THADA: variants seen among roughly 807,000 people sequenced by gnomAD.
THADA encodes tRNA (32-2'-O)-methyltransferase regulator THADA.
THADA carries 213 observed loss-of-function variants against 219.8 expected under a neutral mutation model. That is an observed-to-expected ratio of 0.97 (90% CI 0.87 to 1.09). The LOEUF is 1.09. Among genes scored for constraint, THADA ranks in the 50% least tolerant of loss-of-function variants. The probability of loss-of-function intolerance (pLI) is 0.00; values close to 1 mark genes in which losing one functional copy is unlikely to be tolerated. For synonymous variants in THADA, 1,018 were observed against 828.9 expected, an observed-to-expected ratio of 1.23 and a Z score of -3.92; for missense variants, 2,956 against 2,311.3, an observed-to-expected ratio of 1.28 and a Z score of -5.72.
chr2:43,447,118 A>C (rs1296424001), intron 26 of THADA, among the ~76,000 whole-genome samples: 1 of 152,200 alleles, frequency 6.6e-6, no homozygotes, highest in African/African-American at 2.4e-5. Flanking sequence ...ACACCTCTTC[A>C]CAGGGCAGCA....
At chr2:43,262,634 C>T (rs920432047) in intron 36 of THADA, among the ~76,000 whole-genome samples, 2 of 152,172 alleles carry the variant, frequency 1.3e-5, no homozygotes, top group African/African-American at 2.4e-5. Flanking sequence ...AATCTAAGTT[C>T]GTGTTTTTTT....
intron 35 of THADA, among the ~76,000 whole-genome samples, chr2:43,282,460 A>T (rs1425024062): frequency 1.3e-5 from 2 of 152,236 alleles, no homozygotes; most frequent in Non-Finnish European, 2.9e-5. Flanking sequence ...TCTAAAAAAC[A>T]ATTCCTTCCT....
intron 12 of THADA, among the ~76,000 whole-genome samples, chr2:43,572,548 G>T (rs1699412316): frequency 6.6e-6 from 1 of 152,122 alleles, no homozygotes; most frequent in Non-Finnish European, 1.5e-5. Context: ...TGTATTTAAG[G>T]GCACATGATG....
intron 21 of THADA, among the ~76,000 whole-genome samples, chr2:43,535,168 CTTTTTTTTTT>C (rs549879408): frequency 1.9e-5 from 1 of 52,510 alleles, no homozygotes; most frequent in African/African-American, 8.9e-5. Flanking sequence ...ATCATTTGTC[CTTTTTTTTTT>C]TTTTTTTTTT....
intron 21 of THADA, among the ~76,000 whole-genome samples, chr2:43,536,127 T>C (rs1330460923): frequency 6.6e-6 from 1 of 152,148 alleles, no homozygotes; most frequent in Non-Finnish European, 1.5e-5. Flanking sequence ...GATTTTTGTA[T>C]AGAGTGAGAG....
At chr2:43,595,625 ACTC>A (rs1234631050) in intron 1 of THADA, 1 of 152,090 alleles carries the variant, frequency 6.6e-6, no homozygotes. Flanking sequence ...AGTAAATTAC[ACTC>A]CTCCTAGGTC....
chr2:43,346,480 T>C (rs894868859), intron 29 of THADA, among the ~76,000 whole-genome samples: 1 of 152,118 alleles, frequency 6.6e-6, no homozygotes, highest in African/African-American at 2.4e-5. Flanking sequence ...CAACTCTTTC[T>C]TCCTCACTTT....
At chr2:43,462,579 T>C (rs1463920156) in intron 26 of THADA, among the ~76,000 whole-genome samples, 1 of 152,208 alleles carries the variant, frequency 6.6e-6, no homozygotes, top group Non-Finnish European at 1.5e-5. Context: ...TATATGGAAA[T>C]GATTAGGGCA....
intron 28 of THADA, among the ~76,000 whole-genome samples, chr2:43,425,984 T>C (rs17030787): frequency 0.014 from 2,177 of 152,290 alleles, 50 homozygotes; most frequent in African/African-American, 0.05. Flanking sequence ...ATGAATCTAC[T>C]TCATAAAGCA....
chr2:43,553,481 T>A (rs2103891440), intron 17 of THADA, among the ~76,000 whole-genome samples: 1 of 152,308 alleles, frequency 6.6e-6, no homozygotes, highest in South Asian at 2.1e-4. Flanking sequence ...CACAGCAACA[T>A]GGCCATCTGA....
At chr2:43,312,394 G>A (rs754082735) in intron 31 of THADA, among the ~76,000 whole-genome samples, 4 of 152,098 alleles carry the variant, frequency 2.6e-5, no homozygotes, top group Non-Finnish European at 4.4e-5. Context: ...TAAGGAGTCA[G>A]GAAAGCTCAC....
At chr2:43,338,342 G>A in intron 30 of THADA, among the ~76,000 whole-genome samples, 1 of 152,086 alleles carries the variant, frequency 6.6e-6, no homozygotes, top group South Asian at 2.1e-4. Context: ...ATTTTTAGTA[G>A]AGATGGGTTT....
chr2:43,271,605 C>A (rs1221655621), intron 36 of THADA, among the ~76,000 whole-genome samples: 5 of 145,288 alleles, frequency 3.4e-5, no homozygotes, highest in Admixed American at 6.9e-5. Context: ...ATCCTACACT[C>A]TTGGAACTTT....
rs1573128188 is a variant in THADA at position 43,335,991 on chromosome 2, G to A, written c.4343+8131C>T. Among the ~76,000 whole-genome samples the A allele has an allele frequency of 2.0e-5, 3 of 152,010 alleles. 1 individual carries two copies. The South Asian group carries it at 6.3e-4, about 32-fold the overall frequency. ...GGGCGCCTGCAGTCCCAGCTACTCA[G>A]GAGGCTGAGGCAGGAGAATGGCGTG... On this transcript the variant is annotated intron_variant, in intron 30 of 37. Transcript: ENST00000405975.
intron 26 of THADA, among the ~76,000 whole-genome samples, chr2:43,450,888 A>G (rs985970043): frequency 1.5e-4 from 23 of 152,218 alleles, no homozygotes; most frequent in Non-Finnish European, 2.9e-4. Context: ...TGAGGTAGCT[A>G]GAACAGTCAA....
At chr2:43,566,865 A>C in intron 14 of THADA, 44 bp from the exon 15 acceptor site, 2 of 1,351,720 alleles carry the variant, frequency 1.5e-6, no homozygotes, top group Non-Finnish European at 2.0e-6. Flanking sequence ...ATTACGTCAC[A>C]ATAGGTTATA....
At position 43,586,726 on chromosome 2, in the gene THADA, T is replaced by C; in HGVS notation, c.460A>G (p.Ser154Gly). 6.2e-7 allele frequency: 1 copy of C among 1,612,384 alleles called. No homozygotes were observed. Among genetic ancestry groups the C allele is most frequent in the Non-Finnish European group, 8.5e-7 (1 of 1,179,562 alleles). ...CCATTTTTAAGCAGATTATTAACAC[T>C]TGCTCTACCTGTAGAGGAAAAAATG... The part of the protein sequence containing the change: ...CMENFNLGRA[S>G]VNNLLKNVLH... The change falls in exon 6 of 38, where the codon AGT becomes GGT. Residue 154 changes from serine to glycine, a missense_variant. Ser to Gly is a moderately conservative substitution (Grantham distance 56). Transcript: ENST00000405975.
At chr2:43,254,806 C>T (rs1490001342) in intron 36 of THADA, among the ~76,000 whole-genome samples, 2 of 152,118 alleles carry the variant, frequency 1.3e-5, no homozygotes, top group Non-Finnish European at 2.9e-5. Flanking sequence ...AAACCTGATG[C>T]AGAGACCTGG....
intron 21 of THADA, among the ~76,000 whole-genome samples, chr2:43,537,045 T>C (rs76856054): frequency 0.081 from 12,357 of 152,328 alleles, 563 homozygotes; most frequent in South Asian, 0.14. Flanking sequence ...TTAAACGGGA[T>C]GTTTTACAAA....
Sources: allele counts gnomAD v4.1 joint callset (sites outside exome capture counted in the v4.1 genomes callset), GRCh38; gene constraint gnomAD v4.1.1; transcripts MANE v1.5; gene names NCBI Gene and HGNC (gene_info 2026-07-23, HGNC 2026-07-21).